COL4A2: variants seen among roughly 807,000 people sequenced by gnomAD.
COL4A2 encodes the protein collagen alpha-2(IV) chain.
COL4A2 carries 99 observed loss-of-function variants against 200.2 expected under a neutral mutation model. The ratio of observed to expected loss-of-function variants is 0.49; its 90% CI spans 0.42 to 0.58. The LOEUF (loss-of-function observed/expected upper bound fraction) is 0.58. Ranked by LOEUF, COL4A2 falls within the 20% of genes least tolerant of loss-of-function variation. COL4A2 has a pLI of 0.00. For missense variants in COL4A2, 1,950 were observed against 2,314.1 expected, an observed-to-expected ratio of 0.84 and a Z score of 3.23; for synonymous variants, 897 against 900.6, an observed-to-expected ratio of 1.00 and a Z score of 0.07.
rs111969552 is a variant in COL4A2, at chr13:110,469,397, G to C, written c.2203+73G>C. The stretch of plus-strand genomic sequence containing the variant: ...CCTGTGTGTGATTCATAAGCATCCA[G>C]CTCTATTATCTTCCACTTTGTAGAA... On this transcript the variant is annotated intron_variant, in intron 28 of 47. Transcript: ENST00000360467. 12 of 1,423,218 alleles carry C rather than the reference G, an allele frequency of 8.4e-6. No individual in the cohort carries two copies. The African/African-American group carries it at 1.1e-4, about 14-fold the overall frequency. The allele number at this position is 1,423,218 out of a possible 1,614,324, so 88.2% of individuals were successfully genotyped here.
chr13:110,452,013 C>T (rs1225509129), intron 20 of COL4A2, among the ~76,000 whole-genome samples: 1 of 152,244 alleles, frequency 6.6e-6, no homozygotes, highest in African/African-American at 2.4e-5. Context: ...TTTAAATTCC[C>T]TGACATTGCC....
intron 4 of COL4A2, among the ~76,000 whole-genome samples, chr13:110,405,997 T>C (rs570861723): frequency 3.3e-5 from 5 of 152,326 alleles, no homozygotes; most frequent in Admixed American, 3.3e-4. Flanking sequence ...CCATGGCTGC[T>C]CTTGCAGTGA....
rs562701263 is a variant in COL4A2, at chr13:110,493,207, G to C, written c.3563-4G>C. On this transcript the variant is annotated splice_region_variant and splice_polypyrimidine_tract_variant and intron_variant, in intron 38 of 47. Coordinates refer to ENST00000360467, the MANE Select transcript of COL4A2 (RefSeq NM_001846.4). ...ATAAATAACGATGAGTGACACCCCC[G>C]CAGGTTTTCCGGGACTCCGTGGGAT... The C allele has an allele frequency of 1.3e-4, 206 of 1,613,984 alleles. No individual in the cohort carries two copies. The highest frequency in any genetic ancestry group is 1.6e-4 in the Non-Finnish European group (191 of 1,180,016).
chr13:110,446,807 G>A lies in COL4A2; in HGVS notation c.1021G>A (p.Gly341Arg), dbSNP rs1475888052. ...DGPRGPKGEAGDPGPPGLPAY... is the reference protein window; with the variant it reads ...DGPRGPKGEARDPGPPGLPAY... ...TCTTTTCTTTCTCTAGGGAGAAGCC[G>A]GAGACCCAGGGCCCCCTGGACTACC... The change falls in exon 18 of 48, where the codon GGA becomes AGA. Residue 341 changes from glycine to arginine, a missense_variant. Gly to Arg is a moderately radical substitution (Grantham distance 125). Coordinates refer to ENST00000360467, the MANE Select transcript of COL4A2 (RefSeq NM_001846.4). The A allele has an allele frequency of 5.6e-6, 9 of 1,612,028 alleles. No individual in the cohort carries two copies. The highest frequency in any genetic ancestry group is 6.8e-6 in the Non-Finnish European group (8 of 1,178,410).
chr13:110,428,408 G>A, intron 6 of COL4A2, 59 bp from the exon 7 acceptor site: 2 of 1,011,330 alleles, frequency 2.0e-6, no homozygotes, highest in South Asian at 1.4e-5. Context: ...TTATCTCACA[G>A]TTACATGACA....
At chr13:110,377,827 T>G (rs920595492) in intron 4 of COL4A2, among the ~76,000 whole-genome samples, 2 of 152,254 alleles carry the variant, frequency 1.3e-5, no homozygotes, top group Non-Finnish European at 2.9e-5. Context: ...AATGGCTTTA[T>G]TCAGACCTAA....
chr13:110,308,111 G>C lies in COL4A2; in HGVS notation c.87G>C (p.Gln29His). Residue 29 changes from glutamine (Q) to histidine (H), a missense_variant, in exon 3 of 48, where the codon CAG (glutamine) becomes CAC (histidine). Physicochemically the swap from Gln to His is conservative, Grantham distance 24. Transcript: ENST00000360467. ...LGTVTVGFLA[Q>H]SVLAGVKKFD... is the part of the protein sequence containing the mutation. ...CAGTGACCGTGGGGTTCCTCGCCCA[G>C]AGCGTCTTGGCGGTAAGTCCTGGCT... 3.7e-6 allele frequency: 6 copies of C among 1,613,822 alleles called. No individual in the cohort carries two copies. The highest frequency in any genetic ancestry group is 5.1e-6 in the Non-Finnish European group (6 of 1,180,028).
intron 3 of COL4A2, among the ~76,000 whole-genome samples, chr13:110,321,306 A>G (rs1056680526): frequency 2.0e-4 from 31 of 151,428 alleles, no homozygotes; most frequent in Non-Finnish European, 3.8e-4. Flanking sequence ...TATTTTTTTC[A>G]TTGTTTTAAA....
chr13:110,372,181 G>C (rs1594175768), intron 4 of COL4A2, among the ~76,000 whole-genome samples: 1 of 152,174 alleles, frequency 6.6e-6, no homozygotes, highest in South Asian at 2.1e-4. Flanking sequence ...CCAGCACACC[G>C]GGCCGGTCAT....
In COL4A2 at chr13:110,465,523, G is replaced by C. The variant is rs543519112; in HGVS notation, c.1895G>C (p.Arg632Pro). 13 of 1,613,926 alleles carry C rather than the reference G, an allele frequency of 8.1e-6. No individual in the cohort carries two copies. Among genetic ancestry groups the C allele is most frequent in the Non-Finnish European group, 8.5e-7 (1 of 1,180,028 alleles). ...GLGLPGLKGQ[R>P]GFPGDAGLPG... ...GGCCTTCCCGGCCTCAAAGGCCAACGTGGTTTCCCTGGAGACGCCGGCTTA... is the reference window on the plus strand; with the variant it reads ...GGCCTTCCCGGCCTCAAAGGCCAACCTGGTTTCCCTGGAGACGCCGGCTTA... The change falls in exon 25 of 48, where the codon CGT becomes CCT. Residue 632 changes from arginine (R) to proline (P), a missense_variant. Around this residue, in one of 2 missense-constraint regions of COL4A2, gnomAD observed 1,385 missense variants for 1,720.5 expected, o/e 0.80. Transcript: ENST00000360467.
At chr13:110,432,893 G>A (rs961426267) in intron 11 of COL4A2, among the ~76,000 whole-genome samples, 6 of 152,232 alleles carry the variant, frequency 3.9e-5, no homozygotes, top group Admixed American at 1.3e-4. Flanking sequence ...TTGGAACACA[G>A]CAAAGTAGGT....
intron 29 of COL4A2, 175 bp from the exon 30 acceptor site, chr13:110,477,828 T>G (rs990937241): frequency 2.3e-5 from 12 of 511,818 alleles, no homozygotes; most frequent in Non-Finnish European, 3.8e-5. Context: ...TACCGCTGGG[T>G]GATGGTGTGC....
chr13:110,436,663 G>T (rs1268130157), intron 13 of COL4A2, among the ~76,000 whole-genome samples: 1 of 151,420 alleles, frequency 6.6e-6, no homozygotes, highest in Non-Finnish European at 1.5e-5. Flanking sequence ...CAGTGTAGGT[G>T]GAGGCTAATG....
rs147085051 is a variant in COL4A2, at chr13:110,507,275, C to T, written c.4595-660C>T. Among the ~76,000 whole-genome samples, 362 of 152,234 alleles carry T rather than the reference C, an allele frequency of 2.4e-3. 1 individual carries two copies. The highest frequency in any genetic ancestry group is 8.1e-3 in the African/African-American group (336 of 41,540). On this transcript the variant is annotated intron_variant, in intron 46 of 47. Transcript: ENST00000360467. ...TGGTGCCTTCACATTCCTGCCTGTG[C>T]GCCCCGCCTCCACAATGAGTTTCTA...
At chr13:110,310,758 G>A (rs1884955212) in intron 3 of COL4A2, among the ~76,000 whole-genome samples, 2 of 152,166 alleles carry the variant, frequency 1.3e-5, no homozygotes, top group African/African-American at 4.8e-5. Flanking sequence ...AGCTAGGATG[G>A]GCAGTGAAGA....
intron 29 of COL4A2, among the ~76,000 whole-genome samples, chr13:110,475,103 CAT>C (rs1882660091): frequency 6.6e-6 from 1 of 152,284 alleles, no homozygotes; most frequent in African/African-American, 2.4e-5. Context: ...CATGCTCACA[CAT>C]ACACATCCAA....
intron 20 of COL4A2, among the ~76,000 whole-genome samples, chr13:110,455,252 C>G (rs562209315): frequency 6.6e-6 from 1 of 152,172 alleles, no homozygotes; most frequent in African/African-American, 2.4e-5. Context: ...TTCTTCCCCT[C>G]CCTTTGTGCA....
At position 110,394,768 on chromosome 13, in the gene COL4A2, A is replaced by G. The variant is rs1369635651; in HGVS notation, c.181-29966A>G. 2.6e-5 allele frequency among the ~76,000 whole-genome samples: 4 copies of G among 152,292 alleles called. No homozygotes were observed. In the East Asian group the frequency reaches 7.7e-4, roughly 29 times the overall value. On this transcript the variant is annotated intron_variant, in intron 4 of 47. Transcript: ENST00000360467. ...CTTTGCCTTTGCTAGAGTGAGATGCATTCCATCATGTAATACATCAAAACA... is the reference window on the plus strand; with the variant it reads ...CTTTGCCTTTGCTAGAGTGAGATGCGTTCCATCATGTAATACATCAAAACA...
At chr13:110,311,279 T>C (rs1210834826) in intron 3 of COL4A2, among the ~76,000 whole-genome samples, 1 of 152,178 alleles carries the variant, frequency 6.6e-6, no homozygotes, top group East Asian at 1.9e-4. Flanking sequence ...GTGATCTGTG[T>C]GGGCACCTCA....
Sources: gnomAD v4.1 joint callset for allele counts (sites outside exome capture counted in the v4.1 genomes callset) on GRCh38, gnomAD v4.1.1 for gene constraint, gnomAD v4.1.1 regional missense constraint, MANE v1.5 for transcripts, NCBI Gene and HGNC (gene_info 2026-07-23, HGNC 2026-07-21) for gene names.